FBP1: variants seen among roughly 807,000 people sequenced by gnomAD.
FBP1 encodes fructose-1,6-bisphosphatase 1.
In FBP1, 22 loss-of-function variants were observed where a neutral mutation model predicts 29.9. That is an observed-to-expected ratio of 0.74 (90% confidence interval 0.53 to 1.05). FBP1 has a LOEUF of 1.05. Ranked by LOEUF, FBP1 falls within the 50% of genes least tolerant of loss-of-function variation. The probability of loss-of-function intolerance (pLI) is 0.00; values close to 1 mark genes in which losing one functional copy is unlikely to be tolerated. For missense variants in FBP1, 345 were observed against 448.2 expected, an observed-to-expected ratio of 0.77 and a Z score of 2.08; for synonymous variants, 175 against 178.6, an observed-to-expected ratio of 0.98 and a Z score of 0.16.
intron 1 of FBP1, among the ~76,000 whole-genome samples, chr9:94,638,833 T>C (rs1828237482): frequency 6.6e-6 from 1 of 151,978 alleles, no homozygotes; most frequent in Non-Finnish European, 1.5e-5. Flanking sequence ...CTTGGCCGGC[T>C]GAGAGGGGTA....
chr9:94,623,341 A>AGGGCTTCAAGGCAGAGACCAGGTCC (rs1176317001), intron 1 of FBP1, among the ~76,000 whole-genome samples: 1 of 152,224 alleles, frequency 6.6e-6, no homozygotes, highest in African/African-American at 2.4e-5. Flanking sequence ...GACCAGAAGA[A>AGGGCTTCAAGGCAGAGACCAGGTCC]GGGCTTCAAG....
chr9:94,613,785 G>GTGA (rs1563981683), intron 3 of FBP1, among the ~76,000 whole-genome samples: 24 of 144,894 alleles, frequency 1.7e-4, no homozygotes, highest in African/African-American at 6.1e-4. Flanking sequence ...AAAAAAAGAA[G>GTGA]AAAAAAAAAA....
At chr9:94,611,117 C>T (rs1827778380) in intron 3 of FBP1, among the ~76,000 whole-genome samples, 1 of 152,120 alleles carries the variant, frequency 6.6e-6, no homozygotes, top group South Asian at 2.1e-4. Flanking sequence ...CCTGCCTCGG[C>T]CTCCCAAAGT....
In FBP1 at chr9:94,606,709, C is replaced by T. The variant is rs536254904; in HGVS notation, c.705+106G>A. ...AGCCCCACATGAGGCCCAAGGCCCT[C>T]GATCCCAAGGATCCCTTTCATCTCC... On this transcript the variant is annotated intron_variant, in intron 5 of 6. Transcript: ENST00000375326. 3.1e-5 allele frequency: 37 copies of T among 1,190,226 alleles called. No individual in the cohort carries two copies. In the South Asian group the frequency reaches 3.3e-4, roughly 11 times the overall value. 73.7% of individuals were successfully genotyped at this position (1,190,226 alleles called of 1,614,324 possible).
At chr9:94,636,335 C>T (rs1393137723) in intron 1 of FBP1, among the ~76,000 whole-genome samples, 2 of 151,860 alleles carry the variant, frequency 1.3e-5, no homozygotes, top group Non-Finnish European at 2.9e-5. Flanking sequence ...AAAAATTATC[C>T]GGCATGGTGG....
At chr9:94,616,863 ACCTCTC>A (rs894665803) in intron 3 of FBP1, among the ~76,000 whole-genome samples, 7 of 150,168 alleles carry the variant, frequency 4.7e-5, no homozygotes, top group Admixed American at 6.7e-5. Context: ...ATAATTGAGC[ACCTCTC>A]CCTCTCCCTC....
intron 6 of FBP1, 42 bp from the exon 7 acceptor site, chr9:94,603,614 G>A (rs777789030): frequency 1.1e-5 from 17 of 1,581,434 alleles, no homozygotes; most frequent in Non-Finnish European, 5.2e-6. Flanking sequence ...GTATCAGAAG[G>A]TATTGCGTAA....
At chr9:94,607,629 T>C (rs976998003) in intron 4 of FBP1, among the ~76,000 whole-genome samples, 1 of 152,154 alleles carries the variant, frequency 6.6e-6, no homozygotes, top group Non-Finnish European at 1.5e-5. Context: ...AAAGGAGATT[T>C]GAATTTGGGG....
intron 6 of FBP1, 109 bp from the exon 7 acceptor site, chr9:94,603,681 G>A (rs540604069): frequency 1.3e-5 from 13 of 997,062 alleles, no homozygotes; most frequent in South Asian, 8.0e-5. Flanking sequence ...CCAAGGGAAC[G>A]AATACTGTAT....
At position 94,614,767 on chromosome 9, in the gene FBP1, C is replaced by T. The variant is rs376852853; in HGVS notation, c.426+3001G>A. On this transcript the variant is annotated intron_variant, in intron 3 of 6. Transcript: ENST00000375326. Reference sequence around the variant, plus strand: ...AAAGCAGGAAAAATCCCCTTGGAAGCATTATAGATGTCTATGTTTATGCCT... The same window carrying T: ...AAAGCAGGAAAAATCCCCTTGGAAGTATTATAGATGTCTATGTTTATGCCT... Among the ~76,000 whole-genome samples, 10 of 152,288 alleles carry T rather than the reference C, an allele frequency of 6.6e-5. No individual in the cohort carries two copies. In the East Asian group the frequency reaches 1.3e-3, roughly 21 times the overall value.
rs1827639621 is a variant in FBP1 at position 94,603,402 on chromosome 9, A to T, written c.996T>A (p.Tyr332Ter). 1 of 1,613,934 alleles carries T rather than the reference A, an allele frequency of 6.2e-7. No individual in the cohort carries two copies. Among genetic ancestry groups the T allele is most frequent in the Non-Finnish European group, 8.5e-7 (1 of 1,179,934 alleles). Reference sequence around the variant, plus strand: ...GTGCTCACTGGGCAGAGTGCTTCTCATACACCTTCAGGAACTCGAGCACGT... The same window carrying T: ...GTGCTCACTGGGCAGAGTGCTTCTCTTACACCTTCAGGAACTCGAGCACGT... The part of the protein sequence containing the change: ...PDDVLEFLKV[Y>*]EKHSAQ The change falls in exon 7 of 7, where the codon TAT becomes TAA. Residue 332 changes from tyrosine (Y) to a stop codon, truncating the protein, a stop_gained. Transcript: ENST00000375326. LOFTEE classifies it high-confidence loss of function.
At position 94,603,434 on chromosome 9, in the gene FBP1, G is replaced by C. The variant is rs746136262; in HGVS notation, c.964C>G (p.Pro322Ala). 1.9e-6 allele frequency: 3 copies of C among 1,614,042 alleles called. No homozygotes were observed. Among genetic ancestry groups the C allele is most frequent in the Non-Finnish European group, 2.5e-6 (3 of 1,179,996 alleles). The change falls in exon 7 of 7, where the codon CCC (proline) becomes GCC (alanine). Residue 322 changes from proline (P) to alanine (A), a missense_variant. Coordinates refer to ENST00000375326, the MANE Select transcript of FBP1 (RefSeq NM_000507.4). The stretch of plus-strand genomic sequence containing the variant: ...TTCAGGAACTCGAGCACGTCGTCGG[G>C]GGATCCCAAGATCACCGGCGCCCTC... ...HQRAPVILGS[P>A]DDVLEFLKVY... is the part of the protein sequence containing the mutation.
At chr9:94,633,656 G>A (rs1353980295) in intron 1 of FBP1, among the ~76,000 whole-genome samples, 3 of 151,738 alleles carry the variant, frequency 2.0e-5, no homozygotes, top group East Asian at 1.9e-4. Context: ...CATTCTTGGC[G>A]CTCCACAGTC....
intron 3 of FBP1, among the ~76,000 whole-genome samples, chr9:94,611,839 T>A (rs1336778582): frequency 6.6e-6 from 1 of 152,176 alleles, no homozygotes; most frequent in Non-Finnish European, 1.5e-5. Flanking sequence ...GAATCTGCAT[T>A]GCACTATGCA....
Position 94,609,841 on chromosome 9 carries a change from C to A in FBP1, c.567+80G>T, listed in dbSNP as rs1389654727. 7 of 1,509,198 alleles carry A rather than the reference C, an allele frequency of 4.6e-6. No individual in the cohort carries two copies. The East Asian group carries it at 1.1e-4, about 24-fold the overall frequency. The allele number at this position is 1,509,198 out of a possible 1,614,324, so 93.5% of individuals were successfully genotyped here. On this transcript the variant is annotated intron_variant, in intron 4 of 6. Transcript: ENST00000375326. ...GGGCATCACCTCCCACCTCCACATA[C>A]CCCTGCCAATCCCCCACACATATCA...
intron 1 of FBP1, among the ~76,000 whole-genome samples, chr9:94,629,936 C>G (rs767327315): frequency 6.6e-6 from 1 of 152,176 alleles, no homozygotes; most frequent in South Asian, 2.1e-4. Context: ...CTGAGGATGG[C>G]ACAGCCCTCT....
Position 94,603,429 on chromosome 9 carries a change from G to A in FBP1, c.969C>T (p.Asp323=), listed in dbSNP as rs372074976. The change falls in exon 7 of 7, where the codon GAC becomes GAT. Residue 323 remains aspartate, a synonymous_variant. Transcript: ENST00000375326. ...ACACCTTCAGGAACTCGAGCACGTC[G>A]TCGGGGGATCCCAAGATCACCGGCG... is the stretch of plus-strand genomic sequence containing the variant. ...QRAPVILGSP[D]DVLEFLKVYE... The A allele has an allele frequency of 2.4e-5, 39 of 1,614,072 alleles. No individual in the cohort carries two copies. Among genetic ancestry groups the A allele is most frequent in the Admixed American group, 5.0e-5 (3 of 60,008 alleles).
At chr9:94,614,529 G>C (rs1007619719) in intron 3 of FBP1, among the ~76,000 whole-genome samples, 4 of 152,136 alleles carry the variant, frequency 2.6e-5, no homozygotes, top group Non-Finnish European at 5.9e-5. Context: ...GACAGAGAGA[G>C]ACTCTGTCTC....
intron 1 of FBP1, among the ~76,000 whole-genome samples, chr9:94,635,939 G>A (rs192424440): frequency 7.0e-4 from 107 of 152,326 alleles, no homozygotes; most frequent in African/African-American, 2.5e-3. Flanking sequence ...ACAGAAATGT[G>A]TATTGTGATC....
Sources: gnomAD v4.1 joint callset for allele counts (sites outside exome capture counted in the v4.1 genomes callset) on GRCh38, gnomAD v4.1.1 for gene constraint, MANE v1.5 for transcripts, NCBI Gene and HGNC (gene_info 2026-07-23, HGNC 2026-07-21) for gene names.